Variants in PTPRD observed in about 807,000 individuals in gnomAD.
PTPRD encodes the protein receptor-type tyrosine-protein phosphatase delta.
A neutral mutation model predicts 214.5 loss-of-function variants in PTPRD; 34 were observed. The observed-to-expected ratio is 0.16, with a 90% confidence interval of 0.12 to 0.21. The LOEUF is 0.21. Ranked by LOEUF, PTPRD falls within the 10% of genes least tolerant of loss-of-function variation. The probability of loss-of-function intolerance (pLI) is 1.00; values close to 1 mark genes in which losing one functional copy is unlikely to be tolerated. For missense variants in PTPRD, 2,545 were observed against 2,398.7 expected, an observed-to-expected ratio of 1.06 and a Z score of -1.27; for synonymous variants, 1,128 against 845.7, an observed-to-expected ratio of 1.33 and a Z score of -5.79.
chr9:9,279,503 G>C (rs963852005), intron 9 of PTPRD, among the ~76,000 whole-genome samples: 1 of 150,082 alleles, frequency 6.7e-6, no homozygotes, highest in Admixed American at 6.7e-5. Context: ...AATTTAAAAA[G>C]CATAAGATAC....
At chr9:9,618,855 G>T (rs1413515000) in intron 7 of PTPRD, among the ~76,000 whole-genome samples, 2 of 152,030 alleles carry the variant, frequency 1.3e-5, no homozygotes, top group Non-Finnish European at 2.9e-5. Context: ...AGAAAGGCAG[G>T]AGGTTAGGGA....
chr9:9,204,147 T>G (rs1358260245), intron 9 of PTPRD, among the ~76,000 whole-genome samples: 1 of 152,154 alleles, frequency 6.6e-6, no homozygotes, highest in Non-Finnish European at 1.5e-5. Flanking sequence ...AATTCAAGAA[T>G]AGGGACTTCT....
intron 11 of PTPRD, among the ~76,000 whole-genome samples, chr9:9,002,169 T>C (rs745841516): frequency 4.6e-5 from 7 of 152,012 alleles, no homozygotes; most frequent in African/African-American, 9.7e-5. Context: ...ATCTAGAAGA[T>C]AGGATATTTA....
chr9:9,348,377 C>G (rs2049751292), intron 9 of PTPRD, among the ~76,000 whole-genome samples: 1 of 152,072 alleles, frequency 6.6e-6, no homozygotes, highest in African/African-American at 2.4e-5. Flanking sequence ...TCAATAAATG[C>G]CTACGCATTT....
At chr9:9,989,029 A>AC (rs2095818569) in intron 4 of PTPRD, among the ~76,000 whole-genome samples, 4 of 141,528 alleles carry the variant, frequency 2.8e-5, no homozygotes, top group African/African-American at 8.8e-5. Context: ...AAAAAAAAAA[A>AC]AAAAAAAAAA....
intron 34 of PTPRD, chr9:8,437,256 G>T: frequency 6.7e-7 from 1 of 1,496,426 alleles, no homozygotes; most frequent in Non-Finnish European, 8.9e-7. Context: ...AGGAAATGAT[G>T]GTGTAAATAA....
intron 2 of PTPRD, among the ~76,000 whole-genome samples, chr9:10,495,115 A>G (rs2132915624): frequency 6.6e-6 from 1 of 151,960 alleles, no homozygotes; most frequent in Non-Finnish European, 1.5e-5. Context: ...CATATCCTTT[A>G]ATAGGAAAGA....
chr9:8,794,040 G>A (rs2096326258), intron 11 of PTPRD, among the ~76,000 whole-genome samples: 1 of 152,194 alleles, frequency 6.6e-6, no homozygotes, highest in Admixed American at 6.5e-5. Context: ...TTACTTGACT[G>A]CAGTTGTCAC....
intron 2 of PTPRD, among the ~76,000 whole-genome samples, chr9:10,483,142 C>A (rs1426798108): frequency 1.3e-5 from 2 of 152,044 alleles, no homozygotes; most frequent in Non-Finnish European, 2.9e-5. Flanking sequence ...TACTTACAAC[C>A]AACTGATCAT....
intron 39 of PTPRD, among the ~76,000 whole-genome samples, chr9:8,360,100 G>A (rs750812860): frequency 6.6e-5 from 10 of 152,142 alleles, no homozygotes; most frequent in Non-Finnish European, 1.5e-4. Flanking sequence ...TAGATAAAAT[G>A]ACGAGATATA....
chr9:10,431,731 A>G (rs1310002238), intron 2 of PTPRD, among the ~76,000 whole-genome samples: 2 of 152,114 alleles, frequency 1.3e-5, no homozygotes, highest in Non-Finnish European at 2.9e-5. Context: ...CAAAACCACA[A>G]TGAGATACCA....
chr9:10,460,476 AT>A (rs2098950700), intron 2 of PTPRD, among the ~76,000 whole-genome samples: 1 of 152,152 alleles, frequency 6.6e-6, no homozygotes, highest in African/African-American at 2.4e-5. Context: ...ATTCAAAAGT[AT>A]ATTACAAAGC....
At chr9:9,421,341 A>C (rs1476112790) in intron 8 of PTPRD, among the ~76,000 whole-genome samples, 1 of 150,678 alleles carries the variant, frequency 6.6e-6, no homozygotes, top group Non-Finnish European at 1.5e-5. Flanking sequence ...ATGCACGTCA[A>C]AATAATAAAA....
chr9:8,443,790 CT>C (rs773382454), intron 34 of PTPRD, among the ~76,000 whole-genome samples: 2 of 152,134 alleles, frequency 1.3e-5, no homozygotes, highest in African/African-American at 2.4e-5. Context: ...CCAGTAGCAT[CT>C]TCTCTTACAA....
intron 7 of PTPRD, among the ~76,000 whole-genome samples, chr9:9,679,371 A>G (rs2097014557): frequency 6.6e-6 from 1 of 151,902 alleles, no homozygotes; most frequent in Admixed American, 6.6e-5. Flanking sequence ...TTGAATATAT[A>G]GTCAATCAAT....
chr9:9,082,358 G>A (rs908662318), intron 10 of PTPRD, among the ~76,000 whole-genome samples: 3 of 151,900 alleles, frequency 2.0e-5, no homozygotes, highest in African/African-American at 4.8e-5. Context: ...CAAAAATCAC[G>A]TTTGTCTCAA....
chr9:8,586,353 A>G (rs1041760909), intron 14 of PTPRD, among the ~76,000 whole-genome samples: 4 of 152,106 alleles, frequency 2.6e-5, no homozygotes, highest in African/African-American at 9.7e-5. Context: ...CTCTATAACC[A>G]GCATTGATTC....
intron 39 of PTPRD, among the ~76,000 whole-genome samples, chr9:8,373,340 T>C (rs755370288): frequency 6.6e-6 from 1 of 152,050 alleles, no homozygotes; most frequent in African/African-American, 2.4e-5. Context: ...TTACCAGACA[T>C]GTAAAATTAC....
intron 3 of PTPRD, among the ~76,000 whole-genome samples, chr9:10,223,146 A>T (rs895601859): frequency 5.3e-5 from 8 of 151,066 alleles, no homozygotes; most frequent in African/African-American, 1.9e-4. Context: ...TTCCTCATGC[A>T]TTTTCCTAAT....
Sources: gnomAD v4.1 joint callset for allele counts (sites outside exome capture counted in the v4.1 genomes callset) on GRCh38, gnomAD v4.1.1 for gene constraint, MANE v1.5 for transcripts, NCBI Gene and HGNC (gene_info 2026-07-23, HGNC 2026-07-21) for gene names.